The following CPE variants were observed in gnomAD, a reference collection of about 807,000 sequenced individuals.
The protein encoded by CPE is carbocypeptidase E.
In CPE, 17 loss-of-function variants were observed where a neutral mutation model predicts 53.5. The ratio of observed to expected loss-of-function variants is 0.32; its 90% CI spans 0.22 to 0.48. The LOEUF (loss-of-function observed/expected upper bound fraction) is 0.48, where lower values mean the gene tolerates loss of function less well. Ranked by LOEUF, CPE falls within the 20% of genes least tolerant of loss-of-function variation. The pLI is 0.99. For missense variants in CPE, 524 were observed against 614.7 expected (o/e 0.85, Z 1.56); for synonymous variants, 226 against 228.8 (o/e 0.99, Z 0.11).
rs560353518 is a variant in CPE at position 165,481,727 on chromosome 4, A to G, written c.673-515A>G. Among the ~76,000 whole-genome samples, 46 of 152,330 alleles carry G rather than the reference A, an allele frequency of 3.0e-4. No individual in the cohort carries two copies. The South Asian group carries it at 9.5e-3, about 32-fold the overall frequency. ...TCCACTCTGAAAGAGACTCAACCTA[A>G]TATTCTTTGATAGGAACAATGTTTG... On this transcript the variant is annotated intron_variant, in intron 3 of 8. Transcript: ENST00000402744.
chr4:165,467,675 T>G lies in CPE; in HGVS notation c.505-13T>G. ...CAACTAATGATTTTTCTCTTTGACT[T>G]TTTTTTTTTTAGCCTGGTGAACTCA... On this transcript the variant is annotated splice_polypyrimidine_tract_variant and intron_variant, in intron 2 of 8. Transcript: ENST00000402744. 1 of 1,267,816 alleles carries G rather than the reference T, an allele frequency of 7.9e-7. No individual in the cohort carries two copies. The highest frequency in any genetic ancestry group is 1.5e-5 in the South Asian group (1 of 64,656). The allele number at this position is 1,267,816 out of a possible 1,614,324, so 78.5% of individuals were successfully genotyped here. A position where few individuals can be genotyped will look rare whatever the true frequency, so the allele number is the denominator to read the frequency against.
chr4:165,458,282 G>T (rs568479554), intron 1 of CPE, among the ~76,000 whole-genome samples: 54 of 152,242 alleles, frequency 3.5e-4, no homozygotes, highest in African/African-American at 1.3e-3. Context: ...ATTTCATCAT[G>T]ATATCTTTGA....
intron 1 of CPE, among the ~76,000 whole-genome samples, chr4:165,408,784 T>A (rs1218173001): frequency 1.3e-5 from 2 of 152,210 alleles, no homozygotes; most frequent in East Asian, 3.8e-4. Flanking sequence ...GCCATTGTAA[T>A]GCACTGCGAT....
intron 1 of CPE, among the ~76,000 whole-genome samples, chr4:165,427,189 G>GC (rs35262479): frequency 0.3 from 44,806 of 151,878 alleles, 6,697 homozygotes; most frequent in Middle Eastern, 0.39. Flanking sequence ...TCTTAGGCAA[G>GC]CCCCTTGTGC....
intron 1 of CPE, among the ~76,000 whole-genome samples, chr4:165,380,032 AT>A (rs148300789): frequency 0.04 from 6,022 of 152,248 alleles, 396 homozygotes; most frequent in African/African-American, 0.14. Flanking sequence ...AGAGTCATTT[AT>A]CATGTTTTCT....
At chr4:165,472,172 G>A (rs1474677334) in intron 3 of CPE, among the ~76,000 whole-genome samples, 1 of 152,210 alleles carries the variant, frequency 6.6e-6, no homozygotes, top group African/African-American at 2.4e-5. Flanking sequence ...TTTTAGTTCA[G>A]TCCATGCAGT....
rs150296965 is a variant in CPE at position 165,428,609 on chromosome 4, A to C, written c.308-35781A>C. Among the ~76,000 whole-genome samples the C allele has an allele frequency of 2.1e-4, 32 of 152,106 alleles. No homozygotes were observed. The East Asian group carries it at 5.6e-3, about 27-fold the overall frequency. On this transcript the variant is annotated intron_variant, in intron 1 of 8. Transcript: ENST00000402744. Reference sequence around the variant, plus strand: ...ATCCTTTGCAATTCTAGAGACCGGAAGTTTGAAATTAGTATCACTGGACTG... The same window carrying C: ...ATCCTTTGCAATTCTAGAGACCGGACGTTTGAAATTAGTATCACTGGACTG...
intron 3 of CPE, among the ~76,000 whole-genome samples, chr4:165,475,240 G>A (rs1732276050): frequency 6.6e-6 from 1 of 152,142 alleles, no homozygotes; most frequent in African/African-American, 2.4e-5. Context: ...GAGGACCTAT[G>A]CAGACACACA....
chr4:165,462,783 G>A (rs1046056732), intron 1 of CPE, among the ~76,000 whole-genome samples: 2 of 152,054 alleles, frequency 1.3e-5, no homozygotes, highest in Non-Finnish European at 2.9e-5. Context: ...AAATAGCCCC[G>A]ATCCTGCTCC....
chr4:165,425,695 A>G (rs990075337), intron 1 of CPE, among the ~76,000 whole-genome samples: 2 of 152,016 alleles, frequency 1.3e-5, no homozygotes, highest in African/African-American at 2.4e-5. Context: ...ATAGAGTCCT[A>G]GAAGAAGTTT....
At chr4:165,424,595 A>G (rs999511312) in intron 1 of CPE, among the ~76,000 whole-genome samples, 43 of 151,982 alleles carry the variant, frequency 2.8e-4, no homozygotes, top group Non-Finnish European at 5.9e-4. Flanking sequence ...GTGCAGTGGC[A>G]CCATCTCGGC....
Position 165,467,144 on chromosome 4 carries a change from G to A in CPE, c.505-544G>A, listed in dbSNP as rs140223425. ...TTGAGACCAGCCTGAGCAACATAGCGAGACCCTGTCTTTACCAAAAATAAA... is the reference window on the plus strand; with the variant it reads ...TTGAGACCAGCCTGAGCAACATAGCAAGACCCTGTCTTTACCAAAAATAAA... On this transcript the variant is annotated intron_variant, in intron 2 of 8. Transcript: ENST00000402744. Among the ~76,000 whole-genome samples, 456 of 152,000 alleles carry A rather than the reference G, an allele frequency of 3.0e-3. 1 individual carries two copies. The highest frequency in any genetic ancestry group is 0.011 in the African/African-American group (437 of 41,458).
chr4:165,483,344 T>A (rs1190330439), intron 4 of CPE, among the ~76,000 whole-genome samples: 2 of 152,256 alleles, frequency 1.3e-5, no homozygotes, highest in Non-Finnish European at 2.9e-5. Flanking sequence ...GGCTGCTTAG[T>A]ATTGCATAGT....
chr4:165,492,632 C>T (rs1732628061), intron 6 of CPE, among the ~76,000 whole-genome samples: 1 of 152,126 alleles, frequency 6.6e-6, no homozygotes, highest in Non-Finnish European at 1.5e-5. Flanking sequence ...ATCAATTGAG[C>T]AAGCAGGGGG....
chr4:165,485,284 A>G (rs936056636), intron 5 of CPE, among the ~76,000 whole-genome samples: 2 of 152,124 alleles, frequency 1.3e-5, no homozygotes, highest in African/African-American at 4.8e-5. Flanking sequence ...ATGCGAAGAT[A>G]TTTATATATA....
chr4:165,493,154 A>AT lies in CPE; in HGVS notation c.1114-12dup. The AT allele has an allele frequency of 6.3e-7, 1 of 1,581,024 alleles. No homozygotes were observed. The highest frequency in any genetic ancestry group is 1.4e-5 in the African/African-American group (1 of 73,826). ...TATAGGTCATATTAATTTTTTGGTT[A>AT]TTTTTGACCTTCACAGATACACCGA... is the stretch of plus-strand genomic sequence containing the variant. On this transcript the variant is annotated splice_polypyrimidine_tract_variant and intron_variant, in intron 6 of 8. Coordinates refer to ENST00000402744, the MANE Select transcript of CPE (RefSeq NM_001873.4).
At position 165,492,033 on chromosome 4, in the gene CPE, A is replaced by G. The variant is rs181538821; in HGVS notation, c.1114-1138A>G. Among the ~76,000 whole-genome samples the G allele has an allele frequency of 4.0e-3, 610 of 152,348 alleles. 4 individuals carry two copies. Among genetic ancestry groups the G allele is most frequent in the African/African-American group, 0.014 (591 of 41,574 alleles). On this transcript the variant is annotated intron_variant, in intron 6 of 8. Coordinates refer to ENST00000402744, the MANE Select transcript of CPE (RefSeq NM_001873.4). Reference sequence around the variant, plus strand: ...GATGCAGTACTTTCTTAAAGACCTGAAGCGACTCTGTCACTTCAAACACAT... The same window carrying G: ...GATGCAGTACTTTCTTAAAGACCTGGAGCGACTCTGTCACTTCAAACACAT...
At chr4:165,449,728 T>C (rs1190815328) in intron 1 of CPE, among the ~76,000 whole-genome samples, 3 of 152,202 alleles carry the variant, frequency 2.0e-5, no homozygotes, top group Non-Finnish European at 2.9e-5. Flanking sequence ...TTTAATTATC[T>C]TCCCAGAAGA....
chr4:165,467,653 C>T, intron 2 of CPE, 35 bp from the exon 3 acceptor site: 1 of 1,559,108 alleles, frequency 6.4e-7, no homozygotes, highest in Non-Finnish European at 8.6e-7. Context: ...TAATAAGCAA[C>T]TAATGATTTT....
Sources: gnomAD v4.1 joint callset for allele counts (sites outside exome capture counted in the v4.1 genomes callset) on GRCh38, gnomAD v4.1.1 for gene constraint, MANE v1.5 for transcripts, NCBI Gene and HGNC (gene_info 2026-07-23, HGNC 2026-07-21) for gene names.